Variants in ABCG2 observed in about 807,000 individuals in gnomAD.
The protein encoded by ABCG2 is ATP binding cassette subfamily G member 2 (JR blood group), also known as broad substrate specificity ATP-binding cassette transporter ABCG2.
A neutral mutation model predicts 73.5 loss-of-function variants in ABCG2; 80 were observed. That is an observed-to-expected ratio of 1.09 (90% CI 0.91 to 1.31). ABCG2 has a LOEUF of 1.31. ABCG2 is among the 50% of genes most tolerant of loss of function. ABCG2 has a pLI of 0.00. For missense variants in ABCG2, 796 were observed against 786.2 expected, an observed-to-expected ratio of 1.01 and a Z score of -0.15; for synonymous variants, 269 against 282.4, an observed-to-expected ratio of 0.95 and a Z score of 0.48.
intron 1 of ABCG2, among the ~76,000 whole-genome samples, chr4:88,220,066 C>A (rs1336311682): frequency 6.6e-6 from 1 of 152,134 alleles, no homozygotes; most frequent in Non-Finnish European, 1.5e-5. Context: ...ACCCTCACTA[C>A]CTAATATAAG....
At chr4:88,095,494 C>T in intron 14 of ABCG2, 26 bp downstream of exon 14, 1 of 1,586,530 alleles carries the variant, frequency 6.3e-7, no homozygotes, top group Non-Finnish European at 8.7e-7. Context: ...GGAATGCAGT[C>T]ACAGTGACAG....
At chr4:88,199,117 T>C (rs1729050940) in intron 1 of ABCG2, among the ~76,000 whole-genome samples, 1 of 152,016 alleles carries the variant, frequency 6.6e-6, no homozygotes, top group Non-Finnish European at 1.5e-5. Context: ...TACAGGCTCC[T>C]GCCACCACAC....
upstream of ABCG2, chr4:88,159,170 G>C (rs1396371285): frequency 6.6e-6 from 3 of 456,324 alleles, no homozygotes; most frequent in South Asian, 4.6e-5. Context: ...GATTAACTAC[G>C]AGAATCACCA....
intron 11 of ABCG2, among the ~76,000 whole-genome samples, chr4:88,100,144 A>C (rs561131583): frequency 1.3e-5 from 2 of 151,906 alleles, no homozygotes; most frequent in African/African-American, 4.8e-5. Flanking sequence ...TCCTTGAAAA[A>C]TACCCAGCCT....
chr4:88,131,638 C>A (rs1236330403), intron 4 of ABCG2, among the ~76,000 whole-genome samples, 165 bp downstream of exon 4: 1 of 152,202 alleles, frequency 6.6e-6, no homozygotes, highest in Non-Finnish European at 1.5e-5. Flanking sequence ...ATTCTCCCTG[C>A]CTTTTCACAT....
chr4:88,122,763 G>T (rs1724098098), intron 5 of ABCG2, among the ~76,000 whole-genome samples: 1 of 152,230 alleles, frequency 6.6e-6, no homozygotes, highest in South Asian at 2.1e-4. Flanking sequence ...GTTCCTGCCT[G>T]CTGGCTTTGA....
rs529751115 is a variant in ABCG2, at chr4:88,230,376, G to A, written c.-20+618C>T. 3.5e-5 allele frequency among the ~76,000 whole-genome samples: 5 copies of A among 141,752 alleles called. 1 individual carries two copies. Among genetic ancestry groups the A allele is most frequent in the Non-Finnish European group, 7.6e-5 (5 of 66,094 alleles). The allele number at this position is 141,752 out of a possible 152,430, so 93.0% of individuals were successfully genotyped here. A position where few individuals can be genotyped will look rare whatever the true frequency, so the allele number is the denominator to read the frequency against. ...TGAGACGGAGTCTCGCACTGTCGCC[G>A]CACCCGGCCATATTTTCAATTTAAG... On this transcript the variant is annotated intron_variant, in intron 1 of 15. Coordinates refer to the ABCG2 transcript ENST00000515655.
At position 88,182,521 on chromosome 4, in the gene ABCG2, T is replaced by G. The variant is rs146191838; in HGVS notation, c.-19-42507A>C. Among the ~76,000 whole-genome samples the G allele has an allele frequency of 4.6e-3, 696 of 151,546 alleles. 4 individuals carry two copies. The highest frequency in any genetic ancestry group is 0.016 in the African/African-American group (666 of 41,340). On this transcript the variant is annotated intron_variant, in intron 1 of 15. Coordinates refer to the ABCG2 transcript ENST00000515655. Reference sequence around the variant, plus strand: ...AGGCCACAAAGCAAGTCTTTAAAAATTCAAAAAAAAATCACAATTACCTCA... The same window carrying G: ...AGGCCACAAAGCAAGTCTTTAAAAAGTCAAAAAAAAATCACAATTACCTCA...
At chr4:88,104,275 A>C (rs1249393833) in intron 10 of ABCG2, among the ~76,000 whole-genome samples, 1 of 152,228 alleles carries the variant, frequency 6.6e-6, no homozygotes, top group African/African-American at 2.4e-5. Context: ...CCTCTCTCAG[A>C]GAATTCATCC....
At position 88,213,791 on chromosome 4, in the gene ABCG2, C is replaced by A. The variant is rs113091279; in HGVS notation, c.-20+17203G>T. On this transcript the variant is annotated intron_variant, in intron 1 of 15. Transcript: ENST00000515655. ...TCCGCCTCCCGGATTCAAGCGATTCCCCTGCCTCAGCCTCCGGAGTAGCTG... is the reference window on the plus strand; with the variant it reads ...TCCGCCTCCCGGATTCAAGCGATTCACCTGCCTCAGCCTCCGGAGTAGCTG... Among the ~76,000 whole-genome samples the A allele has an allele frequency of 1.9e-3, 288 of 150,850 alleles. 1 individual carries two copies. Among genetic ancestry groups the A allele is most frequent in the African/African-American group, 6.5e-3 (268 of 41,060 alleles).
intron 9 of ABCG2, among the ~76,000 whole-genome samples, chr4:88,109,461 T>A (rs1410063066): frequency 3.3e-5 from 5 of 152,168 alleles, no homozygotes; most frequent in Admixed American, 2.6e-4. Flanking sequence ...AAATAATCAA[T>A]CCCGTAACCT....
rs201942524 is a variant in ABCG2 at position 88,101,206 on chromosome 4, T to C, written c.1367+24A>G. ...TAGCCCCTGCTGCTGGACAGCCCCG[T>C]TCCCAGAACAAAGACCTACTCACAT... is the stretch of plus-strand genomic sequence containing the variant. On this transcript the variant is annotated intron_variant, in intron 11 of 15. Transcript: ENST00000237612. 3.1e-3 allele frequency: 5,066 copies of C among 1,609,324 alleles called. 108 individuals carry two copies. Among genetic ancestry groups the C allele is most frequent in the Non-Finnish European group, 1.1e-3 (1,340 of 1,175,814 alleles).
chr4:88,092,366 T>G lies in ABCG2; in HGVS notation c.1836A>C (p.Glu612Asp). 1 of 1,606,702 alleles carries G rather than the reference T, an allele frequency of 6.2e-7. No homozygotes were observed. The highest frequency in any genetic ancestry group is 2.2e-5 in the East Asian group (1 of 44,842). The change falls in exon 16 of 16, where the codon GAA (glutamate) becomes GAC (aspartate). Residue 612 changes from glutamate (E) to aspartate (D), a missense_variant. Glu to Asp is a conservative substitution (Grantham distance 45, BLOSUM62 2). Coordinates refer to ENST00000237612, the MANE Select transcript of ABCG2 (RefSeq NM_004827.3). ...GATCGATGCCCTGCTTTACCAAATA[T>G]TCTTCGCCAGTACATCTGAAATTAA... ...PCNYATCTGE[E>D]YLVKQGIDLS...
At position 88,099,306 on chromosome 4, in the gene ABCG2, G is replaced by A. The variant is rs542294068; in HGVS notation, c.1492+18C>T. The A allele has an allele frequency of 3.2e-6, 5 of 1,557,934 alleles. No individual in the cohort carries two copies. Among genetic ancestry groups the A allele is most frequent in the African/African-American group, 2.8e-5 (2 of 72,194 alleles). ...CAAGACTAAAGACATGTCCTTTTTT[G>A]TTTTGTTACATACTTACCTAACATG... On this transcript the variant is annotated intron_variant, in intron 12 of 15. Coordinates refer to ENST00000237612, the MANE Select transcript of ABCG2 (RefSeq NM_004827.3).
chr4:88,214,488 A>C (rs1042528190), intron 1 of ABCG2, among the ~76,000 whole-genome samples: 2 of 152,082 alleles, frequency 1.3e-5, no homozygotes, highest in Non-Finnish European at 1.5e-5. Context: ...GTGGTTTGTT[A>C]GGTAGGGATA....
chr4:88,213,149 C>T (rs1053639016), intron 1 of ABCG2, among the ~76,000 whole-genome samples: 2 of 152,138 alleles, frequency 1.3e-5, no homozygotes, highest in Non-Finnish European at 2.9e-5. Flanking sequence ...AGCAATCTTC[C>T]CACTTTAGCC....
rs1366692500 is a variant in ABCG2, at chr4:88,189,507, C to T, written c.-20+41487G>A. Among the ~76,000 whole-genome samples, 5 of 149,130 alleles carry T rather than the reference C, an allele frequency of 3.4e-5. No homozygotes were observed. In the Admixed American group the frequency reaches 3.4e-4, roughly 10 times the overall value. On this transcript the variant is annotated intron_variant, in intron 1 of 15. Transcript: ENST00000515655. ...CTAGCCTGGGCAACAGAGTGAGACC[C>T]TGCATCTAAAAATATAAATAAATAA...
intron 5 of ABCG2, among the ~76,000 whole-genome samples, chr4:88,126,712 G>A (rs889538486): frequency 2.5e-4 from 38 of 152,102 alleles, no homozygotes; most frequent in African/African-American, 4.3e-4. Context: ...TAAGGCCTTC[G>A]ATAAAATTCA....
chr4:88,101,578 A>G (rs1722421476), intron 10 of ABCG2, among the ~76,000 whole-genome samples: 1 of 151,920 alleles, frequency 6.6e-6, no homozygotes. Context: ...ACCAAAATTC[A>G]TATGTTGAAG....
Sources: gnomAD v4.1 joint callset for allele counts (sites outside exome capture counted in the v4.1 genomes callset) on GRCh38, gnomAD v4.1.1 for gene constraint, MANE v1.5 for transcripts, NCBI Gene and HGNC (gene_info 2026-07-23, HGNC 2026-07-21) for gene names.